FRAS1: variants seen among roughly 807,000 people sequenced by gnomAD.
FRAS1 encodes Fraser extracellular matrix complex subunit 1.
FRAS1 carries 290 observed loss-of-function variants against 435.2 expected under a neutral mutation model. The ratio of observed to expected loss-of-function variants is 0.67; its 90% CI spans 0.61 to 0.73. FRAS1 has a LOEUF of 0.73. Among genes scored for constraint, FRAS1 ranks in the 30% least tolerant of loss-of-function variants. FRAS1 has a pLI of 0.00. For synonymous variants in FRAS1, 1,800 were observed against 1,851.0 expected, an observed-to-expected ratio of 0.97 and a Z score of 0.71; for missense variants, 4,860 against 5,001.5, an observed-to-expected ratio of 0.97 and a Z score of 0.85.
intron 2 of FRAS1, among the ~76,000 whole-genome samples, chr4:78,121,320 T>C (rs1176902115): frequency 6.6e-6 from 1 of 152,234 alleles, no homozygotes; most frequent in Admixed American, 6.5e-5. Context: ...TGATGGTAGA[T>C]ATTTAATCTT....
chr4:78,205,193 T>C (rs1317971687), intron 2 of FRAS1, among the ~76,000 whole-genome samples: 2 of 82,592 alleles, frequency 2.4e-5, no homozygotes, highest in African/African-American at 6.8e-5. Flanking sequence ...TTTCCTTCCT[T>C]TTTTTTTTTT....
At chr4:78,283,328 T>C (rs1442678791) in intron 12 of FRAS1, among the ~76,000 whole-genome samples, 1 of 152,246 alleles carries the variant, frequency 6.6e-6, no homozygotes, top group South Asian at 2.1e-4. Context: ...AAGAATAATT[T>C]CTCAACATTT....
At chr4:78,246,607 C>T (rs937583443) in intron 4 of FRAS1, among the ~76,000 whole-genome samples, 14 of 152,168 alleles carry the variant, frequency 9.2e-5, no homozygotes, top group Admixed American at 9.2e-4. Context: ...TGCCTCAGGG[C>T]AGAGTGGTGA....
intron 2 of FRAS1, among the ~76,000 whole-genome samples, chr4:78,141,897 C>T (rs1216274047): frequency 2.6e-5 from 4 of 152,088 alleles, no homozygotes; most frequent in Admixed American, 2.0e-4. Flanking sequence ...GAACACCAAA[C>T]ATCATATGTT....
At chr4:78,419,536 C>T (rs1733685619) in intron 33 of FRAS1, among the ~76,000 whole-genome samples, 1 of 152,184 alleles carries the variant, frequency 6.6e-6, no homozygotes, top group South Asian at 2.1e-4. Context: ...ACTCCTCCTC[C>T]TATCTGGGAA....
At chr4:78,501,548 T>G (rs946954255) in intron 61 of FRAS1, among the ~76,000 whole-genome samples, 1 of 152,336 alleles carries the variant, frequency 6.6e-6, no homozygotes, top group Admixed American at 6.5e-5. Flanking sequence ...CCACACTGTC[T>G]TTCACAATGG....
At chr4:78,267,471 T>A (rs1726424627) in intron 9 of FRAS1, 39 bp downstream of exon 9, 1 of 1,584,100 alleles carries the variant, frequency 6.3e-7, no homozygotes, top group African/African-American at 1.3e-5. Context: ...ACGTTGCAGC[T>A]CTTTCCAACG....
chr4:78,343,910 C>T (rs370300820), intron 20 of FRAS1, among the ~76,000 whole-genome samples: 1 of 152,066 alleles, frequency 6.6e-6, no homozygotes. Context: ...GGGTTGGCAC[C>T]GCCCTATATC....
At chr4:78,259,432 T>G (rs1725967180) in intron 6 of FRAS1, among the ~76,000 whole-genome samples, 1 of 149,148 alleles carries the variant, frequency 6.7e-6, no homozygotes, top group Non-Finnish European at 1.5e-5. Context: ...CATTGTGGTT[T>G]TGATTTGCAT....
rs374482750 is a variant in FRAS1 at position 78,097,211 on chromosome 4, A to G, written c.108+31195A>G. On this transcript the variant is annotated intron_variant, in intron 2 of 73. Coordinates refer to ENST00000512123, the MANE Select transcript of FRAS1 (RefSeq NM_025074.7). ...AACAAGTTTCTCATCTCTATCTGAG[A>G]CCACCTCAGCCTGGATTTCATTGTC... Among the ~76,000 whole-genome samples, 39 of 152,256 alleles carry G rather than the reference A, an allele frequency of 2.6e-4. 2 individuals carry two copies. The highest frequency in any genetic ancestry group is 8.9e-4 in the African/African-American group (37 of 41,542).
intron 4 of FRAS1, among the ~76,000 whole-genome samples, chr4:78,249,323 C>CTTTT (rs11308579): frequency 1.7e-3 from 80 of 47,202 alleles, no homozygotes; most frequent in East Asian, 2.2e-3. Flanking sequence ...GCAGTGGAGC[C>CTTTT]TTTTTTTTTT....
chr4:78,539,287 A>C lies in FRAS1; in HGVS notation c.11299-7A>C, dbSNP rs763867453. ...AAATCTTGCATTTCTTTTTTCTGAA[A>C]TCCTAGGACCGCAATCAGCCAGAGG... On this transcript the variant is annotated splice_region_variant and splice_polypyrimidine_tract_variant and intron_variant, in intron 72 of 73. Transcript: ENST00000512123. 4.4e-6 allele frequency: 7 copies of C among 1,595,258 alleles called. No individual in the cohort carries two copies. The Admixed American group carries it at 1.3e-4, about 29-fold the overall frequency.
intron 66 of FRAS1, 89 bp from the exon 67 acceptor site, chr4:78,519,242 T>C: frequency 8.7e-7 from 1 of 1,149,888 alleles, no homozygotes; most frequent in Admixed American, 2.9e-5. Flanking sequence ...ACTACATGGG[T>C]GAATGAAAAT....
chr4:78,441,268 A>C lies in FRAS1; in HGVS notation c.5636A>C (p.Lys1879Thr). ...DAIIKLSALP[K>T]YGCIENTGTG... Reference sequence around the variant, plus strand: ...ATCATTAAACTAAGTGCTCTGCCCAAATATGGCTGCATTGAGAACACAGGA... The same window carrying C: ...ATCATTAAACTAAGTGCTCTGCCCACATATGGCTGCATTGAGAACACAGGA... Residue 1879 changes from lysine (K) to threonine (T), a missense_variant, in exon 41 of 74, where the codon AAA becomes ACA. Transcript: ENST00000512123. 1.2e-6 allele frequency: 2 copies of C among 1,613,260 alleles called. No homozygotes were observed. The highest frequency in any genetic ancestry group is 8.5e-7 in the Non-Finnish European group (1 of 1,179,560).
chr4:78,249,235 A>G (rs772500451), intron 4 of FRAS1, among the ~76,000 whole-genome samples: 3 of 146,922 alleles, frequency 2.0e-5, no homozygotes, highest in Admixed American at 6.8e-5. Flanking sequence ...TCCTGGAGAG[A>G]TGTGAGAGGG....
intron 45 of FRAS1, among the ~76,000 whole-genome samples, chr4:78,450,646 A>G (rs375537370): frequency 2.0e-5 from 3 of 152,138 alleles, no homozygotes; most frequent in Non-Finnish European, 4.4e-5. Context: ...GAGAGAAGGA[A>G]AAAAGAAGTG....
chr4:78,406,641 G>C (rs1474893520), intron 30 of FRAS1, among the ~76,000 whole-genome samples: 2 of 151,762 alleles, frequency 1.3e-5, no homozygotes, highest in Non-Finnish European at 2.9e-5. Context: ...TTGAGATTTG[G>C]GTAGGGACAC....
chr4:78,065,798 G>T lies in FRAS1; in HGVS notation c.77-187G>T, dbSNP rs550297992. On this transcript the variant is annotated intron_variant, in intron 1 of 73. Transcript: ENST00000512123. ...ATGCTTTTCCTCATGTGTGTCCAAG[G>T]AATGTTGTTTTGGTGTATGGGGTTA... Among the ~76,000 whole-genome samples the T allele has an allele frequency of 8.5e-5, 13 of 152,284 alleles. No individual in the cohort carries two copies. In the South Asian group the frequency reaches 2.5e-3, roughly 29 times the overall value.
At chr4:78,328,763 T>A (rs148563802) in intron 18 of FRAS1, among the ~76,000 whole-genome samples, 3,715 of 152,170 alleles carry the variant, frequency 0.024, 173 homozygotes, top group African/African-American at 0.084. Context: ...ACTCATACGG[T>A]TTAGTAATAG....
Sources: allele counts gnomAD v4.1 joint callset (sites outside exome capture counted in the v4.1 genomes callset), GRCh38; gene constraint gnomAD v4.1.1; transcripts MANE v1.5; gene names NCBI Gene and HGNC (gene_info 2026-07-23, HGNC 2026-07-21).